The following GPR176 variants were observed in gnomAD, a reference collection of about 807,000 sequenced individuals.
The protein encoded by GPR176 is G-protein coupled receptor 176.
A neutral mutation model predicts 35.4 loss-of-function variants in GPR176; 26 were observed. The observed-to-expected ratio is 0.74, with a 90% confidence interval of 0.54 to 1.02. The LOEUF (loss-of-function observed/expected upper bound fraction) is 1.02. Among genes scored for constraint, GPR176 ranks in the 50% least tolerant of loss-of-function variants. The probability of loss-of-function intolerance (pLI) is 0.00; values close to 1 mark genes in which losing one functional copy is unlikely to be tolerated. For missense variants in GPR176, 597 were observed against 665.3 expected (o/e 0.90, Z 1.13); for synonymous variants, 278 against 271.3 (o/e 1.02, Z -0.24).
chr15:39,915,515 A>C (rs1438217215), intron 1 of GPR176, among the ~76,000 whole-genome samples: 2 of 152,202 alleles, frequency 1.3e-5, no homozygotes, highest in Non-Finnish European at 2.9e-5. Flanking sequence ...AATATAGCTT[A>C]AGAATAAGAA....
chr15:39,832,649 A>C (rs1489676275), intron 1 of GPR176, among the ~76,000 whole-genome samples: 1 of 131,946 alleles, frequency 7.6e-6, no homozygotes, highest in African/African-American at 3.0e-5. Context: ...ATAGCTGATG[A>C]GCTAAACACA....
At chr15:39,873,796 T>C (rs1352784595) in intron 1 of GPR176, among the ~76,000 whole-genome samples, 2 of 152,170 alleles carry the variant, frequency 1.3e-5, no homozygotes, top group East Asian at 3.9e-4. Context: ...TTGTCTTTCA[T>C]CTTATTCTAT....
At chr15:39,859,069 A>G (rs975104740) in intron 1 of GPR176, among the ~76,000 whole-genome samples, 3 of 152,176 alleles carry the variant, frequency 2.0e-5, no homozygotes, top group Non-Finnish European at 2.9e-5. Context: ...TTTTGTGAGA[A>G]AACAAATCAT....
chr15:39,865,269 A>C (rs1385792464), intron 1 of GPR176, among the ~76,000 whole-genome samples: 1 of 152,176 alleles, frequency 6.6e-6, no homozygotes, highest in Non-Finnish European at 1.5e-5. Flanking sequence ...TCACAGCACT[A>C]TCCACAATAG....
intron 1 of GPR176, among the ~76,000 whole-genome samples, chr15:39,885,791 C>G (rs1016820052): frequency 6.6e-6 from 1 of 152,176 alleles, no homozygotes; most frequent in African/African-American, 2.4e-5. Context: ...TTCAGCCATG[C>G]ACTGTACCTA....
At chr15:39,809,981 T>A (rs1899438422) in intron 1 of GPR176, among the ~76,000 whole-genome samples, 1 of 151,914 alleles carries the variant, frequency 6.6e-6, no homozygotes, top group Non-Finnish European at 1.5e-5. Context: ...CCGTCTCTAC[T>A]AAATATACAA....
chr15:39,836,044 A>G (rs147960775), intron 1 of GPR176, among the ~76,000 whole-genome samples: 1 of 152,192 alleles, frequency 6.6e-6, no homozygotes, highest in Non-Finnish European at 1.5e-5. Context: ...GCAGTGAGCC[A>G]AGATCGTGCC....
chr15:39,816,016 G>A (rs967666995), intron 1 of GPR176, among the ~76,000 whole-genome samples: 3 of 152,176 alleles, frequency 2.0e-5, no homozygotes, highest in African/African-American at 4.8e-5. Context: ...GAACCTGGAG[G>A]AGATTATATT....
chr15:39,917,049 C>T lies in GPR176; in HGVS notation c.172+2806G>A, dbSNP rs145419969. Among the ~76,000 whole-genome samples, 168 of 152,204 alleles carry T rather than the reference C, an allele frequency of 1.1e-3. 1 individual carries two copies. The highest frequency in any genetic ancestry group is 2.1e-3 in the Non-Finnish European group (146 of 68,004). Reference sequence around the variant, plus strand: ...GTGATCTCAGCACTTCGGGAGGCTGCGGTGGGTTGATCACCTGAGGTCAGG... The same window carrying T: ...GTGATCTCAGCACTTCGGGAGGCTGTGGTGGGTTGATCACCTGAGGTCAGG... On this transcript the variant is annotated intron_variant, in intron 1 of 2. Transcript: ENST00000561100.
intron 1 of GPR176, among the ~76,000 whole-genome samples, chr15:39,903,625 T>C (rs1398716957): frequency 1.3e-5 from 2 of 151,856 alleles, no homozygotes; most frequent in Non-Finnish European, 2.9e-5. Flanking sequence ...GTTTAAGTAA[T>C]GATGATGGGC....
intron 1 of GPR176, among the ~76,000 whole-genome samples, chr15:39,908,993 A>G (rs1191315403): frequency 6.6e-6 from 1 of 152,178 alleles, no homozygotes; most frequent in East Asian, 1.9e-4. Flanking sequence ...AAAACCACAC[A>G]AAGTATAAAG....
intron 1 of GPR176, among the ~76,000 whole-genome samples, chr15:39,867,925 A>C (rs2031896148): frequency 6.6e-6 from 1 of 152,078 alleles, no homozygotes; most frequent in African/African-American, 2.4e-5. Context: ...GGAGGGCAAG[A>C]TTTTACATGA....
intron 1 of GPR176, chr15:39,813,527 C>G (rs1361837308): frequency 6.6e-6 from 1 of 152,230 alleles, no homozygotes; most frequent in Non-Finnish European, 1.5e-5. Flanking sequence ...AGTTTACTGA[C>G]TCTTACCTTT....
intron 1 of GPR176, among the ~76,000 whole-genome samples, chr15:39,812,955 G>A (rs186629732): frequency 1.8e-4 from 27 of 151,894 alleles, no homozygotes; most frequent in South Asian, 1.0e-3. Flanking sequence ...GGCTTGTCTC[G>A]AACTCCTGGG....
Position 39,802,261 on chromosome 15 carries a change from G to A in GPR176, c.426-7C>T. ...ATAGAGGACTGAGTAGTACCTGCAA[G>A]ATACACAAACAAAATTAATTCCACA... On this transcript the variant is annotated splice_polypyrimidine_tract_variant and splice_region_variant and intron_variant, in intron 2 of 2. Coordinates refer to ENST00000561100, the MANE Select transcript of GPR176 (RefSeq NM_007223.3). 6.4e-7 allele frequency: 1 copy of A among 1,560,190 alleles called. No individual in the cohort carries two copies. Among genetic ancestry groups the A allele is most frequent in the Non-Finnish European group, 8.7e-7 (1 of 1,151,448 alleles).
At chr15:39,876,885 A>G (rs1259793650) in intron 1 of GPR176, among the ~76,000 whole-genome samples, 1 of 150,480 alleles carries the variant, frequency 6.6e-6, no homozygotes, top group East Asian at 1.9e-4. Context: ...AGACAGAGAC[A>G]GAGAGAGAGA....
chr15:39,800,094 C>A lies in GPR176; in HGVS notation c.*1038G>T, dbSNP rs1898761435. ...GTCAGATTCTTGCCAACCTTTTGGG[C>A]AGAGTCACCTTTCCAAATCAGGCCT... On this transcript the variant is annotated 3_prime_UTR_variant, in exon 3 of 3. Coordinates refer to ENST00000561100, the MANE Select transcript of GPR176 (RefSeq NM_007223.3). 6.6e-6 allele frequency: 1 copy of A among 152,230 alleles called. No homozygotes were observed. Among genetic ancestry groups the A allele is most frequent in the Non-Finnish European group, 1.5e-5 (1 of 68,032 alleles). The allele number at this position is 152,230 out of a possible 1,614,324, so 9.4% of individuals were successfully genotyped here.
chr15:39,854,943 T>A (rs989603384), intron 1 of GPR176, among the ~76,000 whole-genome samples: 2 of 151,440 alleles, frequency 1.3e-5, no homozygotes, highest in Non-Finnish European at 1.5e-5. Context: ...CCCAGCTACT[T>A]GGGAGGCTGA....
Position 39,801,599 on chromosome 15 carries a change from G to A in GPR176, c.1081C>T (p.Pro361Ser), listed in dbSNP as rs748981652. ...AGCTGGCTACCCGAGCGTATGCTGGGTTCCAGGCTGGCCTCAGCCATGCCA... is the reference window on the plus strand; with the variant it reads ...AGCTGGCTACCCGAGCGTATGCTGGATTCCAGGCTGGCCTCAGCCATGCCA... Reference protein sequence around the residue: ...GSGMAEASLEPSIRSGSQLLE... With the variant: ...GSGMAEASLESSIRSGSQLLE... Residue 361 changes from proline to serine, a missense_variant, in exon 3 of 3, where the codon CCC (proline) becomes TCC (serine). Physicochemically the swap from Pro to Ser is moderately conservative, Grantham distance 74 (BLOSUM62 -1). Coordinates refer to ENST00000561100, the MANE Select transcript of GPR176 (RefSeq NM_007223.3). 5 of 1,613,962 alleles carry A rather than the reference G, an allele frequency of 3.1e-6. No homozygotes were observed. The Admixed American group carries it at 8.3e-5, about 27-fold the overall frequency.
Sources: gnomAD v4.1 joint callset for allele counts (sites outside exome capture counted in the v4.1 genomes callset) on GRCh38, gnomAD v4.1.1 for gene constraint, MANE v1.5 for transcripts, NCBI Gene and HGNC (gene_info 2026-07-23, HGNC 2026-07-21) for gene names.